ROS1: variants seen among roughly 807,000 people sequenced by gnomAD.
ROS1 encodes the protein proto-oncogene tyrosine-protein kinase ROS.
A neutral mutation model predicts 273.5 loss-of-function variants in ROS1; 263 were observed. The ratio of observed to expected loss-of-function variants is 0.96; its 90% CI spans 0.87 to 1.06. The LOEUF (loss-of-function observed/expected upper bound fraction) is 1.06. Ranked by LOEUF, ROS1 falls within the 50% of genes least tolerant of loss-of-function variation. The pLI, the probability that ROS1 is intolerant of heterozygous loss-of-function variation, is 0.00. For synonymous variants in ROS1, 1,008 were observed against 954.1 expected, an observed-to-expected ratio of 1.06 and a Z score of -1.04; for missense variants, 2,833 against 2,751.1, an observed-to-expected ratio of 1.03 and a Z score of -0.67.
chr6:117,342,467 A>T lies in ROS1; in HGVS notation c.4584T>A (p.Asn1528Lys). The change falls in exon 29 of 44, where the codon AAT (asparagine) becomes AAA (lysine). Residue 1528 changes from asparagine (N) to lysine (K), a missense_variant. By Grantham distance (94) the Asn-to-Lys change is moderately conservative. Coordinates refer to ENST00000368507, the MANE Select transcript of ROS1 (RefSeq NM_001378902.1). The part of the protein sequence containing the change: ...STYMIQIAVK[N>K]YYSDPLEHLP... ...AATGTTCCAAAGGATCTGAATAATAATTTTTTACAGCTATCTGTATCATGT... is the reference window on the plus strand; with the variant it reads ...AATGTTCCAAAGGATCTGAATAATATTTTTTTACAGCTATCTGTATCATGT... The T allele has an allele frequency of 6.2e-7, 1 of 1,609,226 alleles. No homozygotes were observed.
intron 13 of ROS1, among the ~76,000 whole-genome samples, chr6:117,388,488 T>A (rs917521834): frequency 6.6e-6 from 1 of 152,248 alleles, no homozygotes; most frequent in African/African-American, 2.4e-5. Context: ...CAATGTTTTC[T>A]AAATACTTAC....
chr6:117,358,688 G>A (rs562834024), intron 24 of ROS1, among the ~76,000 whole-genome samples: 5 of 152,084 alleles, frequency 3.3e-5, no homozygotes, highest in East Asian at 1.9e-4. Context: ...TCGAATTCCC[G>A]GCATCCAGTG....
At chr6:117,415,260 G>A (rs748663072) in intron 3 of ROS1, among the ~76,000 whole-genome samples, 58 of 152,228 alleles carry the variant, frequency 3.8e-4, no homozygotes, top group Non-Finnish European at 6.8e-4. Flanking sequence ...AGTCACAAAT[G>A]TGAGAGTGGG....
intron 5 of ROS1, among the ~76,000 whole-genome samples, chr6:117,408,935 A>C (rs2128733682): frequency 6.6e-6 from 1 of 152,160 alleles, no homozygotes; most frequent in East Asian, 1.9e-4. Context: ...GAAGCTGGAA[A>C]CCATCATTCT....
At chr6:117,391,490 G>C (rs1481623598) in intron 12 of ROS1, among the ~76,000 whole-genome samples, 1 of 152,130 alleles carries the variant, frequency 6.6e-6, no homozygotes, top group Non-Finnish European at 1.5e-5. Flanking sequence ...AGGAAGAAAA[G>C]CAGAGGTTTT....
At chr6:117,294,518 T>C (rs147925560) in intron 43 of ROS1, among the ~76,000 whole-genome samples, 1 of 152,318 alleles carries the variant, frequency 6.6e-6, no homozygotes, top group East Asian at 1.9e-4. Context: ...GGCTTGCCAG[T>C]ATTTTGTTGA....
chr6:117,364,294 G>A (rs1780031482), intron 21 of ROS1, among the ~76,000 whole-genome samples: 1 of 152,168 alleles, frequency 6.6e-6, no homozygotes, highest in Admixed American at 6.5e-5. Flanking sequence ...CTTACCACCT[G>A]CCAAATCCTG....
At chr6:117,420,210 A>T (rs999562441) in intron 1 of ROS1, among the ~76,000 whole-genome samples, 6 of 151,940 alleles carry the variant, frequency 3.9e-5, no homozygotes, top group African/African-American at 1.5e-4. Flanking sequence ...GATGCCTTCC[A>T]TAATCTCCAC....
chr6:117,305,035 G>C (rs1267093186), intron 42 of ROS1, among the ~76,000 whole-genome samples: 3 of 152,068 alleles, frequency 2.0e-5, no homozygotes, highest in Non-Finnish European at 4.4e-5. Flanking sequence ...AGAGCCTGTG[G>C]AACCATGAGC....
intron 27 of ROS1, among the ~76,000 whole-genome samples, chr6:117,349,089 C>G (rs1409760457): frequency 2.0e-5 from 3 of 151,812 alleles, no homozygotes; most frequent in Non-Finnish European, 2.9e-5. Flanking sequence ...TCCATTACAG[C>G]CAATTAATTG....
chr6:117,397,458 A>C (rs543605283), intron 7 of ROS1, among the ~76,000 whole-genome samples: 62 of 152,316 alleles, frequency 4.1e-4, no homozygotes, highest in African/African-American at 1.5e-3. Flanking sequence ...CAGTTTAGGA[A>C]GAAGAGGAGA....
At chr6:117,325,876 T>C (rs977932406) in intron 34 of ROS1, among the ~76,000 whole-genome samples, 1 of 151,086 alleles carries the variant, frequency 6.6e-6, no homozygotes, top group African/African-American at 2.4e-5. Context: ...AATGTAGGAG[T>C]GGTCATAAGG....
At chr6:117,395,341 C>T (rs577663637) in intron 9 of ROS1, among the ~76,000 whole-genome samples, 2 of 152,246 alleles carry the variant, frequency 1.3e-5, no homozygotes, top group South Asian at 4.2e-4. Context: ...ATTTAACTCA[C>T]CCTTTGGACG....
intron 4 of ROS1, among the ~76,000 whole-genome samples, chr6:117,412,750 G>A (rs1245031974): frequency 1.3e-5 from 2 of 152,094 alleles, no homozygotes; most frequent in Non-Finnish European, 2.9e-5. Flanking sequence ...ACACTGAGAG[G>A]AAAGATTTAC....
intron 26 of ROS1, 25 bp from the exon 27 acceptor site, chr6:117,353,191 T>C (rs749138617): frequency 3.3e-6 from 5 of 1,509,308 alleles, no homozygotes; most frequent in Non-Finnish European, 4.5e-6. Context: ...ATAAGGAATA[T>C]AAAGAACAAA....
chr6:117,329,531 A>G, intron 32 of ROS1, 85 bp from the exon 33 acceptor site: 1 of 704,318 alleles, frequency 1.4e-6, no homozygotes, highest in Non-Finnish European at 2.4e-6. Flanking sequence ...ATATATTAAG[A>G]GGAAAGACAA....
At chr6:117,307,033 T>C (rs1775154339) in intron 42 of ROS1, among the ~76,000 whole-genome samples, 1 of 152,152 alleles carries the variant, frequency 6.6e-6, no homozygotes, top group Non-Finnish European at 1.5e-5. Flanking sequence ...ATCAATAAAT[T>C]ATTCAAGATA....
At chr6:117,360,261 A>G (rs1446405944) in intron 23 of ROS1, 81 bp downstream of exon 23, 20 of 876,612 alleles carry the variant, frequency 2.3e-5, no homozygotes, top group Non-Finnish European at 3.3e-5. Flanking sequence ...ATATCCCTAA[A>G]GACACCAATG....
intron 12 of ROS1, among the ~76,000 whole-genome samples, chr6:117,392,610 A>G (rs1369314211): frequency 1.3e-5 from 2 of 152,188 alleles, no homozygotes; most frequent in Non-Finnish European, 2.9e-5. Flanking sequence ...TACCTTCCCT[A>G]TATGGATTGA....
Sources: allele counts gnomAD v4.1 joint callset (sites outside exome capture counted in the v4.1 genomes callset), GRCh38; gene constraint gnomAD v4.1.1; transcripts MANE v1.5; gene names NCBI Gene and HGNC (gene_info 2026-07-23, HGNC 2026-07-21).